Variants in GSK3B observed in about 807,000 individuals in gnomAD.
GSK3B encodes the protein glycogen synthase kinase-3 beta.
A neutral mutation model predicts 56.4 loss-of-function variants in GSK3B; 15 were observed. The observed-to-expected ratio is 0.27, with a 90% CI of 0.18 to 0.41. GSK3B has a LOEUF of 0.41. Ranked by LOEUF, GSK3B falls within the 10% of genes least tolerant of loss-of-function variation. The pLI is 1.00. For synonymous variants in GSK3B, 181 were observed against 188.9 expected (o/e 0.96, Z 0.34); for missense variants, 300 against 513.4 (o/e 0.58, Z 4.02).
intron 1 of GSK3B, among the ~76,000 whole-genome samples, chr3:120,085,579 T>G (rs919658706): frequency 1.3e-5 from 2 of 152,206 alleles, no homozygotes; most frequent in Admixed American, 6.5e-5. Context: ...GCCAGCAGAT[T>G]GCCTGAGGTC....
intron 1 of GSK3B, among the ~76,000 whole-genome samples, chr3:120,077,327 T>C (rs1217023488): frequency 1.3e-5 from 2 of 152,150 alleles, no homozygotes; most frequent in Non-Finnish European, 2.9e-5. Context: ...TATATGTGTG[T>C]GTGTACACAC....
chr3:120,021,516 CA>C (rs529653038), intron 1 of GSK3B, among the ~76,000 whole-genome samples: 294 of 128,756 alleles, frequency 2.3e-3, no homozygotes, highest in Admixed American at 2.8e-3. Context: ...ACTCCATCTC[CA>C]AAAAAAAAAA....
intron 2 of GSK3B, among the ~76,000 whole-genome samples, chr3:119,987,850 T>C (rs1407882613): frequency 2.6e-5 from 4 of 152,352 alleles, no homozygotes; most frequent in African/African-American, 4.8e-5. Context: ...CTTTGGTCTA[T>C]ATTTGTATGT....
chr3:120,087,829 A>G (rs2058477852), intron 1 of GSK3B, among the ~76,000 whole-genome samples: 2 of 152,208 alleles, frequency 1.3e-5, no homozygotes, highest in Admixed American at 6.5e-5. Flanking sequence ...CTCTCTTCCC[A>G]AAATATAAGC....
intron 9 of GSK3B, among the ~76,000 whole-genome samples, chr3:119,861,542 CA>C (rs1470215545): frequency 6.7e-6 from 1 of 149,262 alleles, no homozygotes; most frequent in Non-Finnish European, 1.5e-5. Context: ...AACAAACAAA[CA>C]AACAAAAAAA....
chr3:119,829,486 A>G (rs1054194559), intron 10 of GSK3B, among the ~76,000 whole-genome samples: 3 of 152,232 alleles, frequency 2.0e-5, no homozygotes, highest in African/African-American at 7.2e-5. Flanking sequence ...CCACTACATC[A>G]GCACCCATGC....
At chr3:119,837,606 C>G (rs2055711218) in intron 10 of GSK3B, among the ~76,000 whole-genome samples, 1 of 152,004 alleles carries the variant, frequency 6.6e-6, no homozygotes, top group African/African-American at 2.4e-5. Context: ...TGGTTTTTAA[C>G]AGCAGAACCA....
At chr3:119,913,514 A>AG (rs1336544297) in intron 5 of GSK3B, among the ~76,000 whole-genome samples, 2 of 152,088 alleles carry the variant, frequency 1.3e-5, no homozygotes, top group African/African-American at 4.8e-5. Flanking sequence ...AATTACAATT[A>AG]ATTTCTTTTG....
intron 9 of GSK3B, among the ~76,000 whole-genome samples, chr3:119,858,548 T>C (rs1306916093): frequency 6.6e-6 from 1 of 152,228 alleles, no homozygotes; most frequent in Non-Finnish European, 1.5e-5. Context: ...GGCCTTGCTC[T>C]GGATTAGGCT....
chr3:119,862,523 A>AT (rs1491099571), intron 9 of GSK3B, among the ~76,000 whole-genome samples: 25 of 79,314 alleles, frequency 3.2e-4, no homozygotes, highest in Non-Finnish European at 6.2e-4. Flanking sequence ...TTAGAGTATA[A>AT]TAAAAAAAAA....
chr3:120,085,352 C>T (rs937663416), intron 1 of GSK3B, among the ~76,000 whole-genome samples: 11 of 152,024 alleles, frequency 7.2e-5, no homozygotes, highest in Non-Finnish European at 1.6e-4. Context: ...ATGTGAAAAC[C>T]CTGAATTCCA....
intron 7 of GSK3B, among the ~76,000 whole-genome samples, chr3:119,904,910 C>A (rs1310084584): frequency 6.7e-6 from 1 of 150,312 alleles, no homozygotes; most frequent in East Asian, 1.9e-4. Flanking sequence ...TTTGTCCAAA[C>A]TGAAACCTTA....
intron 2 of GSK3B, among the ~76,000 whole-genome samples, chr3:119,972,476 T>C (rs112572597): frequency 0.027 from 4,170 of 152,264 alleles, 179 homozygotes; most frequent in African/African-American, 0.092. Flanking sequence ...CGCTCTGTAG[T>C]CCAGCCTGGG....
intron 3 of GSK3B, among the ~76,000 whole-genome samples, chr3:119,940,422 T>C (rs1167327240): frequency 6.6e-6 from 1 of 152,066 alleles, no homozygotes; most frequent in Non-Finnish European, 1.5e-5. Flanking sequence ...CACACATACC[T>C]GCTCTCGAAA....
intron 1 of GSK3B, among the ~76,000 whole-genome samples, chr3:120,080,042 C>T (rs1212238716): frequency 6.6e-6 from 1 of 152,144 alleles, no homozygotes; most frequent in African/African-American, 2.4e-5. Flanking sequence ...CACCTGCAAT[C>T]CCAGCACTTT....
At chr3:120,086,318 C>A (rs2058462960) in intron 1 of GSK3B, among the ~76,000 whole-genome samples, 1 of 152,086 alleles carries the variant, frequency 6.6e-6, no homozygotes, top group African/African-American at 2.4e-5. Context: ...TGGGCTAGCA[C>A]ACTAAAGACT....
intron 4 of GSK3B, among the ~76,000 whole-genome samples, chr3:119,918,227 T>C (rs1015175965): frequency 2.6e-5 from 4 of 152,108 alleles, no homozygotes; most frequent in Middle Eastern, 6.8e-3. Context: ...CCCTAGCACT[T>C]TGGGAGACCA....
At chr3:119,833,085 AG>A (rs1187855956) in intron 10 of GSK3B, 11 of 543,752 alleles carry the variant, frequency 2.0e-5, no homozygotes, top group Non-Finnish European at 2.6e-5. Context: ...TCATAAACGC[AG>A]AATTTCTTGC....
At chr3:119,982,979 C>T (rs149845541) in intron 2 of GSK3B, among the ~76,000 whole-genome samples, 406 of 152,216 alleles carry the variant, frequency 2.7e-3, no homozygotes, top group African/African-American at 8.5e-3. Flanking sequence ...TAATCACAAT[C>T]GGAAGGCCAT....
Sources: gnomAD v4.1 joint callset for allele counts (sites outside exome capture counted in the v4.1 genomes callset) on GRCh38, gnomAD v4.1.1 for gene constraint, MANE v1.5 for transcripts, NCBI Gene and HGNC (gene_info 2026-07-23, HGNC 2026-07-21) for gene names.